The following PTGER3 variants were observed in gnomAD, a reference collection of about 807,000 sequenced individuals.
The protein encoded by PTGER3 is prostaglandin E2 receptor EP3 subtype.
In PTGER3, 22 loss-of-function variants were observed where a neutral mutation model predicts 34.7. That is an observed-to-expected ratio of 0.63 (90% CI 0.45 to 0.91). The LOEUF (loss-of-function observed/expected upper bound fraction) is 0.91, where lower values mean the gene tolerates loss of function less well. PTGER3 is among the 40% of genes least tolerant of loss of function. The pLI, the probability that PTGER3 is intolerant of heterozygous loss-of-function variation, is 0.00. For missense variants in PTGER3, 468 were observed against 519.4 expected (o/e 0.90, Z 0.96); for synonymous variants, 241 against 230.1 (o/e 1.05, Z -0.43).
At chr1:70,979,788 C>T (rs557411314) in intron 2 of PTGER3, among the ~76,000 whole-genome samples, 21 of 152,266 alleles carry the variant, frequency 1.4e-4, no homozygotes, top group Non-Finnish European at 2.5e-4. Context: ...ACTGTCTCCT[C>T]AATTTAATTT....
At chr1:70,917,866 G>A (rs542696554) in intron 4 of PTGER3, among the ~76,000 whole-genome samples, 3 of 151,896 alleles carry the variant, frequency 2.0e-5, no homozygotes, top group Admixed American at 6.6e-5. Context: ...TATCTACTTC[G>A]TTCTTTTGCC....
intron 4 of PTGER3, chr1:70,869,369 C>G (rs1201351193): frequency 4.5e-6 from 2 of 449,270 alleles, no homozygotes; most frequent in African/African-American, 4.0e-5. Flanking sequence ...GGACAAATAT[C>G]CAAACTATAT....
chr1:70,920,202 G>A (rs1254057556), intron 4 of PTGER3, among the ~76,000 whole-genome samples: 1 of 152,184 alleles, frequency 6.6e-6, no homozygotes, highest in African/African-American at 2.4e-5. Flanking sequence ...TGAAATGAAT[G>A]TTCAAGAAAC....
chr1:70,917,441 G>GTGTGTGTGTGTGTGTGTA (rs376536515), intron 4 of PTGER3, among the ~76,000 whole-genome samples: 30 of 137,350 alleles, frequency 2.2e-4, no homozygotes, highest in African/African-American at 9.4e-4. Context: ...GTGTGTGTGT[G>GTGTGTGTGTGTGTGTGTA]TATACAATCA....
At chr1:70,941,735 A>G (rs1021286966) in intron 4 of PTGER3, among the ~76,000 whole-genome samples, 10 of 152,164 alleles carry the variant, frequency 6.6e-5, no homozygotes, top group African/African-American at 2.4e-4. Flanking sequence ...TTTCTAAAAT[A>G]TCACTGGAAT....
intron 2 of PTGER3, among the ~76,000 whole-genome samples, chr1:71,005,276 G>A (rs1656848997): frequency 6.6e-6 from 1 of 152,160 alleles, no homozygotes; most frequent in Non-Finnish European, 1.5e-5. Context: ...GATCTATGTA[G>A]AGCCACACTA....
At position 70,971,072 on chromosome 1, in the gene PTGER3, G is replaced by A. The variant is rs970909520; in HGVS notation, c.*658C>T. The A allele has an allele frequency of 2.0e-6, 2 of 985,164 alleles. No homozygotes were observed. Among genetic ancestry groups the A allele is most frequent in the African/African-American group, 3.5e-5 (2 of 57,164 alleles). The allele number at this position is 985,164 out of a possible 1,614,324, so 61.0% of individuals were successfully genotyped here. A position where few individuals can be genotyped will look rare whatever the true frequency, so the allele number is the denominator to read the frequency against. ...CTGCATCACTCCTTTGTCATCAAAA[G>A]CTTAGAAATAACAATTAAGCAGATT... On this transcript the variant is annotated 3_prime_UTR_variant, in exon 4 of 4. Coordinates refer to ENST00000306666, the MANE Select transcript of PTGER3 (RefSeq NM_198719.2).
intron 1 of PTGER3, among the ~76,000 whole-genome samples, chr1:71,014,199 T>C (rs1249382401): frequency 1.3e-5 from 2 of 152,174 alleles, no homozygotes; most frequent in Non-Finnish European, 2.9e-5. Context: ...CTTACACTTA[T>C]CTGTATGTTC....
At position 71,010,042 on chromosome 1, in the gene PTGER3, T is replaced by TA. The variant is rs199528208; in HGVS notation, c.1077+2262dup. 1.2e-3 allele frequency: 1,209 copies of TA among 984,772 alleles called. 15 individuals are homozygous for TA. The African/African-American group carries it at 0.018, about 14-fold the overall frequency. The allele number at this position is 984,772 out of a possible 1,614,324, so 61.0% of individuals were successfully genotyped here. ...TTTTCCACCTCCCTTTCAAGCTTGT[T>TA]AAAAAAAACACAAAAGCTGCCATTC... On this transcript the variant is annotated intron_variant, in intron 2 of 3. Coordinates refer to ENST00000306666, the MANE Select transcript of PTGER3 (RefSeq NM_198719.2).
intron 4 of PTGER3, among the ~76,000 whole-genome samples, chr1:70,945,686 T>C (rs1194189929): frequency 1.3e-5 from 2 of 152,126 alleles, no homozygotes; most frequent in Non-Finnish European, 2.9e-5. Flanking sequence ...AGAGAAAAGC[T>C]GTTTTTATCT....
At chr1:70,879,375 T>A (rs76715890) in intron 4 of PTGER3, among the ~76,000 whole-genome samples, 1 of 152,088 alleles carries the variant, frequency 6.6e-6, no homozygotes, top group South Asian at 2.1e-4. Flanking sequence ...GCTTCCTGAG[T>A]AGCTGGGATT....
chr1:70,942,910 A>G (rs1239787928), intron 4 of PTGER3, among the ~76,000 whole-genome samples: 1 of 152,110 alleles, frequency 6.6e-6, no homozygotes, highest in African/African-American at 2.4e-5. Flanking sequence ...ACCTGCCAAC[A>G]TGTTGATTTT....
At chr1:70,984,120 C>A (rs1364881997) in intron 2 of PTGER3, among the ~76,000 whole-genome samples, 8 of 152,142 alleles carry the variant, frequency 5.3e-5, no homozygotes. Context: ...GGTGTGGTGG[C>A]TCATGCCTGT....
intron 4 of PTGER3, among the ~76,000 whole-genome samples, chr1:70,870,640 C>A (rs1646142956): frequency 1.3e-5 from 2 of 152,204 alleles, no homozygotes; most frequent in African/African-American, 4.8e-5. Flanking sequence ...CAGACCACAT[C>A]TTGAACAATT....
chr1:71,006,027 A>G, intron 2 of PTGER3: 1 of 588,934 alleles, frequency 1.7e-6, no homozygotes, highest in Non-Finnish European at 2.1e-6. Context: ...AACATTCAAT[A>G]GCCTCCTTCT....
exon 4 of PTGER3, chr1:70,953,054 G>T: frequency 2.5e-6 from 4 of 1,592,016 alleles, no homozygotes; most frequent in Non-Finnish European, 2.6e-6. Context: ...GCAAACTGCA[G>T]ATTAACTAAC....
intron 4 of PTGER3, among the ~76,000 whole-genome samples, chr1:70,863,706 T>G (rs1445919016): frequency 2.0e-5 from 3 of 150,380 alleles, no homozygotes; most frequent in African/African-American, 4.9e-5. Flanking sequence ...TTTTTTTTTG[T>G]GAAACAAGCA....
chr1:71,042,478 T>C (rs1660399580), intron 1 of PTGER3, among the ~76,000 whole-genome samples: 1 of 152,060 alleles, frequency 6.6e-6, no homozygotes, highest in African/African-American at 2.4e-5. Context: ...CTGAACAGAT[T>C]ATAACATTAA....
intron 4 of PTGER3, among the ~76,000 whole-genome samples, chr1:70,917,951 T>C (rs1481243468): frequency 2.0e-5 from 3 of 152,086 alleles, no homozygotes; most frequent in African/African-American, 7.2e-5. Context: ...TGGATATTAA[T>C]GCCTTGTCAG....
Sources: gnomAD v4.1 joint callset for allele counts (sites outside exome capture counted in the v4.1 genomes callset) on GRCh38, gnomAD v4.1.1 for gene constraint, MANE v1.5 for transcripts, NCBI Gene and HGNC (gene_info 2026-07-23, HGNC 2026-07-21) for gene names.